CTNNA3: variants seen among roughly 807,000 people sequenced by gnomAD.
The protein encoded by CTNNA3 is catenin alpha-3.
In CTNNA3, 76 loss-of-function variants were observed where a neutral mutation model predicts 95.7. The observed-to-expected ratio is 0.79, with a 90% CI of 0.66 to 0.96. CTNNA3 has a LOEUF of 0.96. Among genes scored for constraint, CTNNA3 ranks in the 40% least tolerant of loss-of-function variants. The pLI is 0.00. For synonymous variants in CTNNA3, 431 were observed against 374.4 expected, an observed-to-expected ratio of 1.15 and a Z score of -1.74; for missense variants, 1,191 against 1,089.8, an observed-to-expected ratio of 1.09 and a Z score of -1.31.
intron 4 of CTNNA3, among the ~76,000 whole-genome samples, chr10:67,530,013 C>T (rs962031157): frequency 2.6e-5 from 4 of 152,146 alleles, no homozygotes; most frequent in Admixed American, 1.3e-4. Flanking sequence ...CTTTGCCTGC[C>T]GCCATCCACA....
At chr10:67,473,196 T>C (rs1210998356) in intron 5 of CTNNA3, among the ~76,000 whole-genome samples, 1 of 152,188 alleles carries the variant, frequency 6.6e-6, no homozygotes, top group African/African-American at 2.4e-5. Flanking sequence ...GCTAAGATCA[T>C]CCTTTTCTTT....
intron 13 of CTNNA3, among the ~76,000 whole-genome samples, chr10:66,220,139 A>G (rs1344329321): frequency 2.6e-5 from 4 of 151,826 alleles, no homozygotes; most frequent in Non-Finnish European, 5.9e-5. Flanking sequence ...TAATAATAAG[A>G]AGAAGAATAA....
intron 13 of CTNNA3, among the ~76,000 whole-genome samples, chr10:66,248,657 T>C (rs1269873736): frequency 6.6e-6 from 1 of 152,154 alleles, no homozygotes; most frequent in African/African-American, 2.4e-5. Context: ...AGAAAGTGAT[T>C]ATATAATGAT....
At chr10:66,498,595 C>G (rs1236097621) in intron 11 of CTNNA3, among the ~76,000 whole-genome samples, 1 of 152,066 alleles carries the variant, frequency 6.6e-6, no homozygotes, top group Admixed American at 6.5e-5. Flanking sequence ...CAGTGAATTA[C>G]AAAATGAAAT....
chr10:66,360,197 C>CTT (rs71466867), intron 12 of CTNNA3, among the ~76,000 whole-genome samples: 3 of 149,392 alleles, frequency 2.0e-5, no homozygotes, highest in Non-Finnish European at 3.0e-5. Flanking sequence ...AAACACTGAA[C>CTT]TTTTTTTTTT....
chr10:66,510,858 TG>T (rs1168872703), intron 11 of CTNNA3, among the ~76,000 whole-genome samples: 10 of 151,940 alleles, frequency 6.6e-5, no homozygotes, highest in African/African-American at 2.2e-4. Context: ...TTTCTTTTTT[TG>T]TTGTGCCCTT....
chr10:67,378,440 C>G (rs116197912), intron 5 of CTNNA3, among the ~76,000 whole-genome samples: 3 of 152,184 alleles, frequency 2.0e-5, no homozygotes, highest in African/African-American at 7.2e-5. Flanking sequence ...AAATGCCAGA[C>G]TTTATTAGAG....
At chr10:67,411,454 A>G (rs1446530678) in intron 5 of CTNNA3, among the ~76,000 whole-genome samples, 1 of 152,126 alleles carries the variant, frequency 6.6e-6, no homozygotes, top group Non-Finnish European at 1.5e-5. Flanking sequence ...TTTTATGGTC[A>G]TAGTTTTCAG....
intron 7 of CTNNA3, among the ~76,000 whole-genome samples, chr10:67,135,046 G>A (rs544886323): frequency 4.2e-4 from 64 of 152,182 alleles, no homozygotes; most frequent in African/African-American, 1.5e-3. Context: ...TGTTCCTTAA[G>A]GTGTTCTGGT....
intron 13 of CTNNA3, among the ~76,000 whole-genome samples, chr10:66,247,995 T>C (rs1250503353): frequency 1.3e-5 from 2 of 152,134 alleles, no homozygotes; most frequent in African/African-American, 2.4e-5. Flanking sequence ...TTTTATGTAT[T>C]AGGTAATAGA....
At chr10:67,445,814 A>T (rs556832654) in intron 5 of CTNNA3, among the ~76,000 whole-genome samples, 8 of 152,252 alleles carry the variant, frequency 5.3e-5, no homozygotes, top group African/African-American at 1.7e-4. Context: ...TATTTCAGCA[A>T]ATTACTGCAT....
At chr10:66,625,846 T>C (rs1382623090) in intron 9 of CTNNA3, among the ~76,000 whole-genome samples, 6 of 152,118 alleles carry the variant, frequency 3.9e-5, no homozygotes, top group Non-Finnish European at 2.9e-5. Flanking sequence ...CCTGGCCTTG[T>C]AGAATCCTGA....
At chr10:67,533,052 G>A (rs912753864) in intron 4 of CTNNA3, among the ~76,000 whole-genome samples, 5 of 152,132 alleles carry the variant, frequency 3.3e-5, no homozygotes, top group African/African-American at 4.8e-5. Flanking sequence ...AGGTGGGCAC[G>A]GTGGCGGACG....
intron 7 of CTNNA3, among the ~76,000 whole-genome samples, chr10:67,141,156 T>C (rs182977433): frequency 2.1e-3 from 314 of 152,318 alleles, no homozygotes; most frequent in Middle Eastern, 3.4e-3. Context: ...CTAAACTACT[T>C]GTTTTTGTAG....
At chr10:66,137,693 C>A (rs556819604) in intron 13 of CTNNA3, among the ~76,000 whole-genome samples, 1 of 152,068 alleles carries the variant, frequency 6.6e-6, no homozygotes, top group Non-Finnish European at 1.5e-5. Flanking sequence ...CATGCCTTAA[C>A]CCCAGCAGTT....
chr10:66,861,217 T>G (rs906970316), intron 7 of CTNNA3, among the ~76,000 whole-genome samples: 1 of 152,206 alleles, frequency 6.6e-6, no homozygotes, highest in African/African-American at 2.4e-5. Context: ...AAATAGGAAT[T>G]ACAGTAGAAC....
chr10:65,972,136 A>G (rs532333975), intron 16 of CTNNA3, among the ~76,000 whole-genome samples: 1 of 152,230 alleles, frequency 6.6e-6, no homozygotes, highest in South Asian at 2.1e-4. Flanking sequence ...CCTTCAAGAA[A>G]CTATGCATCA....
At chr10:66,578,675 T>C (rs1843082887) in intron 10 of CTNNA3, among the ~76,000 whole-genome samples, 1 of 152,034 alleles carries the variant, frequency 6.6e-6, no homozygotes, top group Non-Finnish European at 1.5e-5. Flanking sequence ...CCCTACTTGA[T>C]CACCGTAAAT....
intron 7 of CTNNA3, among the ~76,000 whole-genome samples, chr10:67,164,075 C>G (rs1861661284): frequency 7.7e-6 from 1 of 129,906 alleles, no homozygotes; most frequent in Non-Finnish European, 1.5e-5. Flanking sequence ...TTTTATAATT[C>G]TTATAAAACC....
Sources: allele counts gnomAD v4.1 joint callset (sites outside exome capture counted in the v4.1 genomes callset), GRCh38; gene constraint gnomAD v4.1.1; transcripts MANE v1.5; gene names NCBI Gene and HGNC (gene_info 2026-07-23, HGNC 2026-07-21).